The following MUC7 variants were observed in gnomAD, a reference collection of about 807,000 sequenced individuals.
MUC7 encodes mucin-7.
MUC7 carries 2 observed loss-of-function variants against 2.5 expected under a neutral mutation model. The observed-to-expected ratio is 0.81, with a 90% CI of 0.33 to 2.55. The LOEUF (loss-of-function observed/expected upper bound fraction) is 2.55. Ranked by LOEUF, MUC7 falls within the 30% of genes most tolerant of loss-of-function variation. The pLI is 0.11. For missense variants in MUC7, 408 were observed against 455.6 expected, an observed-to-expected ratio of 0.90 and a Z score of 0.95; for synonymous variants, 133 against 173.4, an observed-to-expected ratio of 0.77 and a Z score of 1.83.
chr4:70,459,711 G>A, intron 1 of MUC7, among the ~76,000 whole-genome samples: 1 of 152,076 alleles, frequency 6.6e-6, no homozygotes, highest in Admixed American at 6.6e-5. Context: ...CCACAAAGTA[G>A]GAATTGTTTG....
intron 1 of MUC7, among the ~76,000 whole-genome samples, chr4:70,448,651 C>T (rs1301842556): frequency 6.6e-6 from 1 of 152,136 alleles, no homozygotes; most frequent in Non-Finnish European, 1.5e-5. Context: ...TGTTTGAACA[C>T]ATTATATATT....
chr4:70,458,632 A>G, intron 1 of MUC7, among the ~76,000 whole-genome samples: 1 of 152,146 alleles, frequency 6.6e-6, no homozygotes, highest in East Asian at 1.9e-4. Flanking sequence ...AACTAAGATA[A>G]TGAGAAAAAA....
chr4:70,468,578 C>T (rs553071787), upstream of MUC7, among the ~76,000 whole-genome samples: 2 of 152,280 alleles, frequency 1.3e-5, no homozygotes, highest in East Asian at 3.9e-4. Context: ...GCTACAAAAT[C>T]AATGGGCAAA....
At chr4:70,451,886 T>C (rs1362455796) in intron 1 of MUC7, among the ~76,000 whole-genome samples, 1 of 152,240 alleles carries the variant, frequency 6.6e-6, no homozygotes, top group Non-Finnish European at 1.5e-5. Context: ...ATTATTGTAT[T>C]GGAGTCCATC....
At chr4:70,459,366 T>G (rs897378077) in intron 1 of MUC7, among the ~76,000 whole-genome samples, 3 of 151,786 alleles carry the variant, frequency 2.0e-5, no homozygotes, top group African/African-American at 7.3e-5. Flanking sequence ...CACTCATAGG[T>G]GGGAATTGAA....
Position 70,481,097 on chromosome 4 carries a change from C to T in MUC7, c.353C>T (p.Ser118Leu). 6.2e-7 allele frequency: 1 copy of T among 1,614,176 alleles called. No individual in the cohort carries two copies. Among genetic ancestry groups the T allele is most frequent in the Non-Finnish European group, 8.5e-7 (1 of 1,180,030 alleles). The change falls in exon 3 of 3, where the codon TCA becomes TTA. Residue 118 changes from serine to leucine, a missense_variant. This residue lies in a region of MUC7 where 225 missense variants were observed against 240.5 expected (regional missense o/e 0.94). Transcript: ENST00000304887. The stretch of plus-strand genomic sequence containing the variant: ...CAAATTCCATCTGTGACTTTCCCAT[C>T]AGCTTCCACCAAAATTACTACCCTT... Reference protein sequence around the residue: ...TTQIPSVTFPSASTKITTLPN... With the variant: ...TTQIPSVTFPLASTKITTLPN...
rs924955062 is a variant in MUC7, at chr4:70,449,945, C to T, written c.-93+19258C>T. On this transcript the variant is annotated intron_variant, in intron 1 of 3. Transcript: ENST00000413702. ...TCTTGCCCAAGGCCTGCTCTAACCA[C>T]TCCCTGGCTACTGCCTCTGTTCACT... Among the ~76,000 whole-genome samples the T allele has an allele frequency of 4.6e-5, 7 of 152,212 alleles. No individual in the cohort carries two copies. The South Asian group carries it at 8.3e-4, about 18-fold the overall frequency.
chr4:70,457,241 G>A (rs1258223012), intron 1 of MUC7, among the ~76,000 whole-genome samples: 1 of 152,136 alleles, frequency 6.6e-6, no homozygotes, highest in Non-Finnish European at 1.5e-5. Flanking sequence ...CAAGAAGTTT[G>A]AGACAAGCCT....
chr4:70,456,743 G>C (rs956474964), intron 1 of MUC7, among the ~76,000 whole-genome samples: 1 of 152,138 alleles, frequency 6.6e-6, no homozygotes, highest in Admixed American at 6.5e-5. Flanking sequence ...CCAAACCATA[G>C]CAAGGGAAAA....
At chr4:70,476,326 C>T (rs1008361837) in intron 2 of MUC7, among the ~76,000 whole-genome samples, 1 of 152,166 alleles carries the variant, frequency 6.6e-6, no homozygotes, top group African/African-American at 2.4e-5. Context: ...TTCCAATCAA[C>T]ACAAGTCATG....
chr4:70,469,330 T>C (rs1490617786), upstream of MUC7, among the ~76,000 whole-genome samples: 1 of 152,060 alleles, frequency 6.6e-6, no homozygotes, highest in Non-Finnish European at 1.5e-5. Context: ...GCAATAACAT[T>C]CAGGACACAG....
intron 1 of MUC7, among the ~76,000 whole-genome samples, chr4:70,461,659 A>G (rs1734559040): frequency 6.6e-6 from 1 of 152,198 alleles, no homozygotes; most frequent in African/African-American, 2.4e-5. Flanking sequence ...TGGCAATTAC[A>G]AAAATAATTA....
At chr4:70,441,215 T>C (rs1279462545) in intron 1 of MUC7, among the ~76,000 whole-genome samples, 1 of 152,192 alleles carries the variant, frequency 6.6e-6, no homozygotes, top group Non-Finnish European at 1.5e-5. Flanking sequence ...ATTACATATG[T>C]TGTCTATAAA....
intron 1 of MUC7, among the ~76,000 whole-genome samples, chr4:70,451,451 C>T (rs1734278281): frequency 6.6e-6 from 1 of 152,130 alleles, no homozygotes; most frequent in African/African-American, 2.4e-5. Flanking sequence ...GTGTTTTTTT[C>T]TCTGTAGATA....
upstream of MUC7, among the ~76,000 whole-genome samples, chr4:70,467,563 A>C (rs890710384): frequency 6.6e-6 from 1 of 152,242 alleles, no homozygotes; most frequent in African/African-American, 2.4e-5. Flanking sequence ...TGCAATAAAA[A>C]ATGATAAAAG....
In MUC7 at chr4:70,481,622, C is replaced by T; in HGVS notation, c.878C>T (p.Ala293Val). The T allele has an allele frequency of 3.7e-6, 6 of 1,613,272 alleles. No individual in the cohort carries two copies. The highest frequency in any genetic ancestry group is 1.7e-4 in the Middle Eastern group (1 of 6,060). Residue 293 changes from alanine to valine, a missense_variant, in exon 3 of 3, where the codon GCT (alanine) becomes GTT (valine). Transcript: ENST00000304887. ...CCCACACCTTCTGCAACTACACCAG[C>T]TCCACCGTCTTCCCCAGCTCCACAA... ...APPTPSATTP[A>V]PPSSPAPQET...
intron 1 of MUC7, among the ~76,000 whole-genome samples, chr4:70,447,755 T>C (rs2109712034): frequency 6.6e-6 from 1 of 152,278 alleles, no homozygotes; most frequent in Non-Finnish European, 1.5e-5. Flanking sequence ...GGGGTATCCA[T>C]CCCCTCAAGC....
chr4:70,437,226 TC>T (rs1733867836), intron 1 of MUC7, among the ~76,000 whole-genome samples: 1 of 152,268 alleles, frequency 6.6e-6, no homozygotes, highest in East Asian at 1.9e-4. Flanking sequence ...GAACCACTGC[TC>T]TCTTCAGAGC....
At chr4:70,444,411 C>T (rs1734077270) in intron 1 of MUC7, among the ~76,000 whole-genome samples, 1 of 152,194 alleles carries the variant, frequency 6.6e-6, no homozygotes, top group South Asian at 2.1e-4. Flanking sequence ...GCTTCTACCA[C>T]ATTGAGAGTG....
Sources: gnomAD v4.1 joint callset for allele counts (sites outside exome capture counted in the v4.1 genomes callset) on GRCh38, gnomAD v4.1.1 for gene constraint, gnomAD v4.1.1 regional missense constraint, MANE v1.5 for transcripts, NCBI Gene and HGNC (gene_info 2026-07-23, HGNC 2026-07-21) for gene names.